CHST11: variants seen among roughly 807,000 people sequenced by gnomAD.
The protein encoded by CHST11 is carbohydrate sulfotransferase 11, also known as C4S-1.
In CHST11, 9 loss-of-function variants were observed where a neutral mutation model predicts 30.4. The ratio of observed to expected loss-of-function variants is 0.30; its 90% CI spans 0.18 to 0.52. CHST11 has a LOEUF of 0.52. Among genes scored for constraint, CHST11 ranks in the 20% least tolerant of loss-of-function variants. The pLI is 0.97. For missense variants in CHST11, 348 were observed against 460.6 expected (o/e 0.76, Z 2.24); for synonymous variants, 152 against 187.8 (o/e 0.81, Z 1.56).
intron 2 of CHST11, among the ~76,000 whole-genome samples, chr12:104,654,059 G>A (rs533606986): frequency 6.6e-6 from 1 of 152,326 alleles, no homozygotes; most frequent in South Asian, 2.1e-4. Context: ...TGGGTGTCAG[G>A]CTGAAGAGGG....
At chr12:104,667,477 C>T (rs749373166) in intron 2 of CHST11, among the ~76,000 whole-genome samples, 11 of 152,178 alleles carry the variant, frequency 7.2e-5, no homozygotes, top group Admixed American at 3.9e-4. Flanking sequence ...GGAGTTTCAT[C>T]CCAGTCCTTA....
intron 2 of CHST11, among the ~76,000 whole-genome samples, chr12:104,724,721 G>A (rs1443590598): frequency 6.6e-6 from 1 of 152,068 alleles, no homozygotes; most frequent in Non-Finnish European, 1.5e-5. Context: ...CGGTGGAGCT[G>A]CCGCAGTTGC....
rs138274988 is a variant in CHST11, at chr12:104,582,684, T to G, written c.119-19222T>G. ...TCTGTCATTTATTAACTGTGTACCGTTGGCAAGAACCTCTCTGCACTTGTT... is the reference window on the plus strand; with the variant it reads ...TCTGTCATTTATTAACTGTGTACCGGTGGCAAGAACCTCTCTGCACTTGTT... On this transcript the variant is annotated intron_variant, in intron 1 of 2. Transcript: ENST00000303694. Among the ~76,000 whole-genome samples the G allele has an allele frequency of 1.6e-3, 236 of 152,098 alleles. 1 individual carries two copies. Among genetic ancestry groups the G allele is most frequent in the African/African-American group, 5.5e-3 (228 of 41,464 alleles).
chr12:104,689,745 T>C (rs1275074331), intron 2 of CHST11, among the ~76,000 whole-genome samples: 2 of 152,072 alleles, frequency 1.3e-5, no homozygotes, highest in African/African-American at 4.8e-5. Flanking sequence ...CATGGGAACA[T>C]AGAGCCTAAC....
chr12:104,509,866 A>T (rs997836188), intron 1 of CHST11, among the ~76,000 whole-genome samples: 11 of 152,258 alleles, frequency 7.2e-5, no homozygotes, highest in African/African-American at 2.4e-4. Context: ...AATGAACACA[A>T]GAAAAACTTA....
intron 1 of CHST11, among the ~76,000 whole-genome samples, chr12:104,476,319 A>G (rs941165932): frequency 1.3e-5 from 2 of 150,984 alleles, no homozygotes; most frequent in African/African-American, 4.9e-5. Flanking sequence ...CATATGTTAT[A>G]CACACATATA....
chr12:104,665,963 G>T (rs1307320085), intron 2 of CHST11, among the ~76,000 whole-genome samples: 3 of 151,896 alleles, frequency 2.0e-5, no homozygotes, highest in Middle Eastern at 3.4e-3. Flanking sequence ...GGGATTACAG[G>T]TGCCCGTCAC....
intron 1 of CHST11, among the ~76,000 whole-genome samples, chr12:104,498,637 T>C (rs1443467287): frequency 1.3e-5 from 2 of 152,210 alleles, no homozygotes; most frequent in Non-Finnish European, 2.9e-5. Context: ...ATAGGACCTT[T>C]TTCACTGAGA....
chr12:104,573,510 A>C (rs1280250174), intron 1 of CHST11, among the ~76,000 whole-genome samples: 1 of 152,204 alleles, frequency 6.6e-6, no homozygotes, highest in African/African-American at 2.4e-5. Flanking sequence ...ACCAAAACAG[A>C]GATATAGACC....
At chr12:104,666,508 T>C (rs2039644075) in intron 2 of CHST11, among the ~76,000 whole-genome samples, 1 of 152,212 alleles carries the variant, frequency 6.6e-6, no homozygotes, top group African/African-American at 2.4e-5. Flanking sequence ...CTTGGGACTC[T>C]GTGTTTTTGC....
At chr12:104,576,077 C>T (rs2038681193) in intron 1 of CHST11, among the ~76,000 whole-genome samples, 1 of 151,866 alleles carries the variant, frequency 6.6e-6, no homozygotes, top group Admixed American at 6.6e-5. Flanking sequence ...CTGTTCCCTC[C>T]CAAGTACAGT....
intron 1 of CHST11, among the ~76,000 whole-genome samples, chr12:104,541,426 G>C (rs537076900): frequency 6.6e-6 from 1 of 151,980 alleles, no homozygotes; most frequent in Non-Finnish European, 1.5e-5. Flanking sequence ...TAGTCATCTC[G>C]GTGCAGCTTT....
chr12:104,706,145 A>G (rs901503960), intron 2 of CHST11, among the ~76,000 whole-genome samples: 5 of 152,000 alleles, frequency 3.3e-5, no homozygotes, highest in Non-Finnish European at 5.9e-5. Flanking sequence ...GCACTTTGGG[A>G]GGCCGAGGCG....
chr12:104,714,311 C>G (rs553783758), intron 2 of CHST11, among the ~76,000 whole-genome samples: 22 of 152,146 alleles, frequency 1.4e-4, no homozygotes, highest in Admixed American at 4.6e-4. Context: ...GATTGAGGCA[C>G]TGGGGAGAAA....
chr12:104,534,117 T>C (rs1293067657), intron 1 of CHST11, among the ~76,000 whole-genome samples: 2 of 152,238 alleles, frequency 1.3e-5, no homozygotes, highest in Non-Finnish European at 2.9e-5. Flanking sequence ...CAGTTCTTTT[T>C]TTCCTTCAAC....
rs147244765 is a variant in CHST11 at position 104,708,781 on chromosome 12, C to G, written c.205-48168C>G. On this transcript the variant is annotated intron_variant, in intron 2 of 2. Transcript: ENST00000303694. ...CTGTGACTTCTCAGATGGGTCTACT[C>G]TCGCTCCATCTTCCCCCATCTCCAG... 3.2e-4 allele frequency among the ~76,000 whole-genome samples: 49 copies of G among 152,358 alleles called. No homozygotes were observed. In the East Asian group the frequency reaches 8.5e-3, roughly 26 times the overall value.
At chr12:104,599,821 G>A (rs890180653) in intron 1 of CHST11, among the ~76,000 whole-genome samples, 3 of 152,086 alleles carry the variant, frequency 2.0e-5, no homozygotes, top group Non-Finnish European at 4.4e-5. Flanking sequence ...GGCCAAATCT[G>A]GCCCACTGCC....
At chr12:104,572,930 G>C (rs2038643866) in intron 1 of CHST11, among the ~76,000 whole-genome samples, 1 of 152,312 alleles carries the variant, frequency 6.6e-6, no homozygotes, top group Non-Finnish European at 1.5e-5. Flanking sequence ...AATTGTCCCT[G>C]TTTGCAGATG....
chr12:104,635,507 G>T (rs892166219), intron 2 of CHST11, among the ~76,000 whole-genome samples: 1 of 152,156 alleles, frequency 6.6e-6, no homozygotes, highest in African/African-American at 2.4e-5. Context: ...CCAAACAGCC[G>T]CAAGAGCACC....
Sources: allele counts gnomAD v4.1 joint callset (sites outside exome capture counted in the v4.1 genomes callset), GRCh38; gene constraint gnomAD v4.1.1; transcripts MANE v1.5; gene names NCBI Gene and HGNC (gene_info 2026-07-23, HGNC 2026-07-21).